The following CERS5 variants were observed in gnomAD, a reference collection of about 807,000 sequenced individuals.
CERS5 encodes LAG1 homolog, ceramide synthase 5.
CERS5 carries 37 observed loss-of-function variants against 58.9 expected under a neutral mutation model. That is an observed-to-expected ratio of 0.63 (90% CI 0.48 to 0.83). The LOEUF (loss-of-function observed/expected upper bound fraction) is 0.83. CERS5 is among the 40% of genes least tolerant of loss of function. CERS5 has a pLI of 0.00. For missense variants in CERS5, 398 were observed against 489.3 expected (o/e 0.81, Z 1.76); for synonymous variants, 147 against 177.8 (o/e 0.83, Z 1.38).
intron 1 of CERS5, chr12:50,153,814 C>A (rs575521758): frequency 5.5e-6 from 2 of 363,508 alleles, no homozygotes; most frequent in African/African-American, 2.2e-5. Flanking sequence ...ATTAACTGGG[C>A]GTGATGGCGC....
At chr12:50,131,566 A>G (rs938377021) in intron 9 of CERS5, among the ~76,000 whole-genome samples, 8 of 127,694 alleles carry the variant, frequency 6.3e-5, no homozygotes, top group African/African-American at 2.2e-4. Context: ...CTCAAAAAAA[A>G]AAAAAAAAAA....
At chr12:50,139,847 T>C (rs1951871744) in intron 4 of CERS5, among the ~76,000 whole-genome samples, 1 of 152,136 alleles carries the variant, frequency 6.6e-6, no homozygotes, top group African/African-American at 2.4e-5. Flanking sequence ...TTCTAATGCC[T>C]ATTACATTAA....
chr12:50,153,653 TC>T (rs960045304), intron 1 of CERS5, among the ~76,000 whole-genome samples: 23 of 152,118 alleles, frequency 1.5e-4, no homozygotes, highest in African/African-American at 5.3e-4. Flanking sequence ...ATACATGATG[TC>T]CATTCAAACT....
chr12:50,140,986 T>C (rs1376637587), intron 4 of CERS5, among the ~76,000 whole-genome samples: 1 of 152,092 alleles, frequency 6.6e-6, no homozygotes, highest in Non-Finnish European at 1.5e-5. Context: ...AATGATATCA[T>C]TTAGAGAGAA....
chr12:50,155,908 G>C (rs756122511), intron 1 of CERS5, among the ~76,000 whole-genome samples: 17 of 147,386 alleles, frequency 1.2e-4, no homozygotes, highest in Non-Finnish European at 2.4e-4. Context: ...TTTGAGACCA[G>C]CCTGACCAAT....
In CERS5 at chr12:50,135,971, A is replaced by G; in HGVS notation, c.735T>C (p.Cys245=). 6.5e-7 allele frequency: 1 copy of G among 1,527,572 alleles called. No individual in the cohort carries two copies. 94.6% of individuals were successfully genotyped at this position (1,527,572 alleles called of 1,614,324 possible). ...GCAAGAAGTCTGAGACATCATGTAG[A>G]CACATGATCAGAGTTCCCACTCGAA... ...NMVRVGTLIM[C]LHDVSDFLLE... The change falls in exon 7 of 10, where the codon TGT becomes TGC. Residue 245 remains cysteine (C), a synonymous_variant. Coordinates refer to ENST00000317551, the MANE Select transcript of CERS5 (RefSeq NM_147190.5).
intron 9 of CERS5, chr12:50,133,595 T>C: frequency 1.0e-6 from 1 of 985,300 alleles, no homozygotes; most frequent in Non-Finnish European, 1.2e-6. Flanking sequence ...ATGATTTCCT[T>C]TGAAAAGGGC....
intron 9 of CERS5, 83 bp downstream of exon 9, chr12:50,134,463 A>G: frequency 6.2e-7 from 1 of 1,611,446 alleles, no homozygotes; most frequent in East Asian, 2.2e-5. Context: ...GATGGGGCTC[A>G]CCAGGTTTGA....
At chr12:50,137,239 C>T (rs191929014) in intron 6 of CERS5, among the ~76,000 whole-genome samples, 193 of 152,298 alleles carry the variant, frequency 1.3e-3, no homozygotes, top group Non-Finnish European at 2.1e-3. Flanking sequence ...AGTCAGCTCA[C>T]TTCTCTCAAT....
chr12:50,167,120 CGAA>C lies in CERS5; in HGVS notation c.175_177del (p.Phe59del). The C allele has an allele frequency of 2.6e-6, 4 of 1,556,296 alleles. No individual in the cohort carries two copies. The highest frequency in any genetic ancestry group is 2.4e-5 in the East Asian group (1 of 41,038). On this transcript the variant is annotated inframe_deletion, in exon 1 of 10. Coordinates refer to ENST00000317551, the MANE Select transcript of CERS5 (RefSeq NM_147190.5). ...TCTCACCGCTCGAAGAGCAGCCTCA[CGAA>C]GAAGATGCCCGCCGCCAGCGGGAAC...
rs369848938 is a variant in CERS5 at position 50,137,744 on chromosome 12, G to A, written c.620C>T (p.Thr207Ile). 3 of 1,601,840 alleles carry A rather than the reference G, an allele frequency of 1.9e-6. No homozygotes were observed. The highest frequency in any genetic ancestry group is 1.7e-6 in the Non-Finnish European group (2 of 1,169,956). Residue 207 changes from threonine (T) to isoleucine (I), a missense_variant, in exon 6 of 10, where the codon ACA becomes ATA. Coordinates refer to ENST00000317551, the MANE Select transcript of CERS5 (RefSeq NM_147190.5). ...FYWSLMFSQF[T>I]DIKRKDFLIM... ...CGTCCTTACCTTTCTTTTAATGTCT[G>A]TAAACTGAGAAAACATAAGGGACCA...
intron 1 of CERS5, among the ~76,000 whole-genome samples, chr12:50,156,892 T>C (rs773686893): frequency 3.9e-5 from 6 of 152,202 alleles, no homozygotes; most frequent in Non-Finnish European, 7.3e-5. Context: ...AATTCCAGCC[T>C]GGGTAATTGT....
At position 50,167,323 on chromosome 12, in the gene CERS5, C is replaced by A; in HGVS notation, c.-26G>T. On this transcript the variant is annotated 5_prime_UTR_variant, in exon 1 of 10. Coordinates refer to ENST00000317551, the MANE Select transcript of CERS5 (RefSeq NM_147190.5). Reference sequence around the variant, plus strand: ...CTTACGCCCACCCCGAAGCCACCGCCGCCACAAGCGTCAGCTGCCGCCACA... The same window carrying A: ...CTTACGCCCACCCCGAAGCCACCGCAGCCACAAGCGTCAGCTGCCGCCACA... The A allele has an allele frequency of 1.4e-6, 2 of 1,468,792 alleles. No individual in the cohort carries two copies. Among genetic ancestry groups the A allele is most frequent in the Non-Finnish European group, 1.8e-6 (2 of 1,117,440 alleles). The allele number at this position is 1,468,792 out of a possible 1,614,324, so 91.0% of individuals were successfully genotyped here.
chr12:50,139,574 A>G (rs531021169), intron 4 of CERS5, among the ~76,000 whole-genome samples: 1 of 152,224 alleles, frequency 6.6e-6, no homozygotes, highest in South Asian at 2.1e-4. Flanking sequence ...TGGGAGGATC[A>G]CCTGAGGTTA....
rs140521672 is a variant in CERS5, at chr12:50,145,011, G to A, written c.198-954C>T. 1,334 of 245,954 alleles carry A rather than the reference G, an allele frequency of 5.4e-3. 16 individuals are homozygous for A. The highest frequency in any genetic ancestry group is 0.026 in the African/African-American group (1,148 of 44,146). The allele number at this position is 245,954 out of a possible 1,614,324, so 15.2% of individuals were successfully genotyped here. A position where few individuals can be genotyped will look rare whatever the true frequency, so the allele number is the denominator to read the frequency against. On this transcript the variant is annotated intron_variant, in intron 1 of 9. Coordinates refer to ENST00000317551, the MANE Select transcript of CERS5 (RefSeq NM_147190.5). ...AAATTATCTGGGCGTGGTGGTGGGC[G>A]CCTGTAATCCCAGCTACTTGGGAGG... is the stretch of plus-strand genomic sequence containing the variant.
chr12:50,132,061 C>T (rs183683224), intron 9 of CERS5, among the ~76,000 whole-genome samples: 178 of 151,472 alleles, frequency 1.2e-3, no homozygotes, highest in African/African-American at 4.1e-3. Context: ...GCCATGATTG[C>T]GCCACTGTAC....
Position 50,129,822 on chromosome 12 carries a change from A to ATC in CERS5, c.*722_*723insGA. The ATC allele has an allele frequency of 6.6e-5, 1 of 15,184 alleles. No individual in the cohort carries two copies. Among genetic ancestry groups the ATC allele is most frequent in the South Asian group, 4.2e-3 (1 of 240 alleles). The allele number at this position is 15,184 out of a possible 1,614,324, so 0.9% of individuals were successfully genotyped here. A position where few individuals can be genotyped will look rare whatever the true frequency, so the allele number is the denominator to read the frequency against. Reference sequence around the variant, plus strand: ...GTGGGTTGAAGCACTTTTAATCACAAACAAACAATAGTATAAGACCGTGAA... The same window carrying ATC: ...GTGGGTTGAAGCACTTTTAATCACAATCACAAACAATAGTATAAGACCGTGAA... On this transcript the variant is annotated 3_prime_UTR_variant, in exon 10 of 10. Coordinates refer to ENST00000317551, the MANE Select transcript of CERS5 (RefSeq NM_147190.5).
intron 1 of CERS5, 162 bp from the exon 2 acceptor site, chr12:50,144,219 A>G: frequency 3.7e-6 from 2 of 546,564 alleles, no homozygotes. Flanking sequence ...CATCACTTTC[A>G]ACATTTATCA....
chr12:50,138,522 T>G, intron 5 of CERS5, 45 bp downstream of exon 5: 1 of 1,533,462 alleles, frequency 6.5e-7, no homozygotes, highest in Non-Finnish European at 9.0e-7. Context: ...TCACTCCACC[T>G]TATACACATT....
Sources: allele counts gnomAD v4.1 joint callset (sites outside exome capture counted in the v4.1 genomes callset), GRCh38; gene constraint gnomAD v4.1.1; transcripts MANE v1.5; gene names NCBI Gene and HGNC (gene_info 2026-07-23, HGNC 2026-07-21).